The following MAD1L1 variants were observed in gnomAD, a reference collection of about 807,000 sequenced individuals.
MAD1L1 encodes mitotic arrest deficient 1 like 1, also known as mitotic spindle assembly checkpoint protein MAD1.
Under a neutral mutation model 96.9 loss-of-function variants are expected in MAD1L1, and 95 were observed. The ratio of observed to expected loss-of-function variants is 0.98; its 90% confidence interval spans 0.83 to 1.16. MAD1L1 has a LOEUF of 1.16. Ranked by LOEUF, MAD1L1 falls within the 50% of genes most tolerant of loss-of-function variation. MAD1L1 has a pLI of 0.00. For synonymous variants in MAD1L1, 473 were observed against 396.6 expected, an observed-to-expected ratio of 1.19 and a Z score of -2.29; for missense variants, 1,007 against 954.4, an observed-to-expected ratio of 1.06 and a Z score of -0.73.
At chr7:2,129,908 A>G (rs966378527) in intron 11 of MAD1L1, among the ~76,000 whole-genome samples, 1 of 152,168 alleles carries the variant, frequency 6.6e-6, no homozygotes, top group African/African-American at 2.4e-5. Flanking sequence ...CATGGTTCCC[A>G]TGGCACCCGC....
chr7:1,889,236 A>G (rs1786386045), intron 18 of MAD1L1, among the ~76,000 whole-genome samples: 2 of 152,224 alleles, frequency 1.3e-5, no homozygotes, highest in Admixed American at 6.5e-5. Context: ...GCCCGGGTCC[A>G]GTCCCTCCCA....
chr7:2,006,255 G>A (rs948215336), intron 13 of MAD1L1, among the ~76,000 whole-genome samples: 1 of 152,092 alleles, frequency 6.6e-6, no homozygotes, highest in African/African-American at 2.4e-5. Flanking sequence ...AGGGTAAGTG[G>A]TCAGACATGA....
At chr7:1,817,251 G>A (rs1191553387) in intron 18 of MAD1L1, among the ~76,000 whole-genome samples, 2 of 152,098 alleles carry the variant, frequency 1.3e-5, no homozygotes, top group Non-Finnish European at 2.9e-5. Flanking sequence ...TGTGTGGTGC[G>A]GCCACTGCAA....
intron 12 of MAD1L1, among the ~76,000 whole-genome samples, chr7:2,057,942 G>C (rs947593308): frequency 6.6e-6 from 1 of 152,226 alleles, no homozygotes; most frequent in African/African-American, 2.4e-5. Flanking sequence ...CTGGAGGAAA[G>C]GGGCATGGAG....
chr7:2,191,451 A>AT (rs1204207450), intron 10 of MAD1L1, among the ~76,000 whole-genome samples: 6 of 152,196 alleles, frequency 3.9e-5, no homozygotes, highest in African/African-American at 1.4e-4. Context: ...TGTATCTAAA[A>AT]CTAGGGTGGA....
intron 11 of MAD1L1, among the ~76,000 whole-genome samples, chr7:2,111,471 A>G (rs150136210): frequency 3.4e-3 from 518 of 152,362 alleles, no homozygotes; most frequent in Admixed American, 8.6e-3. Context: ...ACAGAGATCA[A>G]TGAAAAAGGA....
intron 10 of MAD1L1, among the ~76,000 whole-genome samples, chr7:2,181,246 C>T (rs1490298175): frequency 6.6e-6 from 1 of 152,262 alleles, no homozygotes; most frequent in African/African-American, 2.4e-5. Context: ...TTTGCGGCAA[C>T]TCTGGAATCA....
chr7:1,888,135 T>C (rs980343206), intron 18 of MAD1L1, among the ~76,000 whole-genome samples: 4 of 150,870 alleles, frequency 2.7e-5, no homozygotes, highest in East Asian at 3.9e-4. Flanking sequence ...ATTGTGTGCA[T>C]GTGGCTGCCT....
chr7:2,044,763 G>A (rs1783845048), intron 12 of MAD1L1, among the ~76,000 whole-genome samples: 1 of 152,174 alleles, frequency 6.6e-6, no homozygotes, highest in South Asian at 2.1e-4. Flanking sequence ...ACTGGAACTG[G>A]AGTCCCAGCT....
At chr7:1,892,371 G>C (rs1395673231) in intron 18 of MAD1L1, among the ~76,000 whole-genome samples, 1 of 152,202 alleles carries the variant, frequency 6.6e-6, no homozygotes, top group Non-Finnish European at 1.5e-5. Context: ...GACCGTACTA[G>C]ACTTACACAT....
At chr7:1,844,634 AT>A (rs1258971096) in intron 18 of MAD1L1, among the ~76,000 whole-genome samples, 1 of 151,848 alleles carries the variant, frequency 6.6e-6, no homozygotes, top group Non-Finnish European at 1.5e-5. Context: ...CTTGGTGACC[AT>A]CCCCCCAAAG....
At chr7:1,921,033 G>A (rs1320948416) in intron 17 of MAD1L1, among the ~76,000 whole-genome samples, 4 of 152,332 alleles carry the variant, frequency 2.6e-5, no homozygotes, top group Admixed American at 6.5e-5. Context: ...GGAAGAGGGC[G>A]GAGAGGCGGC....
chr7:1,864,132 T>C lies in MAD1L1; in HGVS notation c.1998+34068A>G, dbSNP rs568107958. 6.6e-5 allele frequency among the ~76,000 whole-genome samples: 10 copies of C among 152,278 alleles called. No homozygotes were observed. The South Asian group carries it at 2.1e-3, about 32-fold the overall frequency. ...GGGACGGGGCGGCCCTGCGGAGGAA[T>C]TCCCGCAGCCCGGTGGGACTTGCAG... is the stretch of plus-strand genomic sequence containing the variant. On this transcript the variant is annotated intron_variant, in intron 18 of 18. Coordinates refer to ENST00000265854, the MANE Select transcript of MAD1L1 (RefSeq NM_001013836.2).
intron 17 of MAD1L1, among the ~76,000 whole-genome samples, chr7:1,907,726 C>T (rs926677674): frequency 6.6e-6 from 1 of 152,258 alleles, no homozygotes; most frequent in African/African-American, 2.4e-5. Flanking sequence ...AGGCGAAAAC[C>T]CTCTCGGCAA....
rs181730783 is a variant in MAD1L1, at chr7:2,119,593, C to T, written c.1073+29559G>A. ...CTGACCCACATGCAGACATCAGAGG[C>T]CTCCAAGCCCTTGACTTAGTGGCAG... On this transcript the variant is annotated intron_variant, in intron 11 of 18. Transcript: ENST00000265854. This position sits in a 1 kb window ranked among gnomAD's most constrained non-coding sequence, Gnocchi z 4.6. 4.8e-3 allele frequency among the ~76,000 whole-genome samples: 735 copies of T among 152,326 alleles called. 10 individuals are homozygous for T. The highest frequency in any genetic ancestry group is 0.017 in the African/African-American group (699 of 41,560).
intron 18 of MAD1L1, among the ~76,000 whole-genome samples, chr7:1,822,179 A>C (rs1189123450): frequency 7.9e-6 from 1 of 126,936 alleles, no homozygotes; most frequent in African/African-American, 2.7e-5. Context: ...AGCAATTGCA[A>C]ACAAGTGAAA....
chr7:1,980,030 C>T (rs1195905005), intron 15 of MAD1L1, among the ~76,000 whole-genome samples: 1 of 152,200 alleles, frequency 6.6e-6, no homozygotes, highest in African/African-American at 2.4e-5. Context: ...AAAGAAAAGC[C>T]CTTCCAGGAA....
intron 10 of MAD1L1, among the ~76,000 whole-genome samples, chr7:2,212,932 C>T (rs571002677): frequency 1.9e-4 from 29 of 152,342 alleles, no homozygotes; most frequent in African/African-American, 6.5e-4. Flanking sequence ...CACAAAGCCC[C>T]GCAACGCAGG....
intron 11 of MAD1L1, among the ~76,000 whole-genome samples, chr7:2,105,571 T>A (rs1787045838): frequency 6.6e-6 from 1 of 152,000 alleles, no homozygotes; most frequent in Admixed American, 6.5e-5. Flanking sequence ...AGCCAGGAAG[T>A]AACGAGGCCA....
Sources: gnomAD v4.1 joint callset for allele counts (sites outside exome capture counted in the v4.1 genomes callset) on GRCh38, gnomAD v4.1.1 for gene constraint, Gnocchi (gnomAD v3.1) non-coding constraint, MANE v1.5 for transcripts, NCBI Gene and HGNC (gene_info 2026-07-23, HGNC 2026-07-21) for gene names.